The following TBX5 variants were observed in gnomAD, a reference collection of about 807,000 sequenced individuals.
The protein encoded by TBX5 is T-box transcription factor TBX5.
In TBX5, 8 loss-of-function variants were observed where a neutral mutation model predicts 51.1. That is an observed-to-expected ratio of 0.16 (90% CI 0.09 to 0.28). The LOEUF (loss-of-function observed/expected upper bound fraction) is 0.28. Ranked by LOEUF, TBX5 falls within the 10% of genes least tolerant of loss-of-function variation. The probability of loss-of-function intolerance (pLI) is 1.00; values close to 1 mark genes in which losing one functional copy is unlikely to be tolerated. For missense variants in TBX5, 589 were observed against 671.7 expected, an observed-to-expected ratio of 0.88 and a Z score of 1.36; for synonymous variants, 302 against 266.4, an observed-to-expected ratio of 1.13 and a Z score of -1.30.
At chr12:114,399,889 C>T (rs1247523312) in intron 3 of TBX5, among the ~76,000 whole-genome samples, 1 of 152,194 alleles carries the variant, frequency 6.6e-6, no homozygotes, top group Non-Finnish European at 1.5e-5. Flanking sequence ...GCATGCGCCT[C>T]TAGAGAACGG....
rs2384410 is a variant in TBX5 at position 114,355,264 on chromosome 12, G to A, written c.*268C>T. On this transcript the variant is annotated 3_prime_UTR_variant, in exon 9 of 9. Coordinates refer to ENST00000405440, the MANE Select transcript of TBX5 (RefSeq NM_181486.4). ...TAGCGTGAATGTGGCTGGTTGATGG[G>A]TGTGGTGGTAGTGGGGGGTGGGACT... is the stretch of plus-strand genomic sequence containing the variant. 7 of 518,488 alleles carry A rather than the reference G, an allele frequency of 1.4e-5. No individual in the cohort carries two copies. The highest frequency in any genetic ancestry group is 1.1e-4 in the African/African-American group (6 of 52,544). The allele number at this position is 518,488 out of a possible 1,614,324, so 32.1% of individuals were successfully genotyped here.
At position 114,355,855 on chromosome 12, in the gene TBX5, C is replaced by T. The variant is rs114124210; in HGVS notation, c.1234G>A (p.Val412Ile). Residue 412 changes from valine (V) to isoleucine (I), a missense_variant, in exon 9 of 9, where the codon GTC (valine) becomes ATC (isoleucine). Val to Ile is a conservative substitution (Grantham distance 29, BLOSUM62 3). Transcript: ENST00000405440. ...PSMPSYSSCT[V>I]TTVQPMDRLP... ...CTGTCCATGGGCTGCACGGTGGTGA[C>T]GGTGCAGCTGCTGTAGGAAGGCATG... The T allele has an allele frequency of 5.2e-4, 835 of 1,613,800 alleles. 2 individuals carry two copies. In the African/African-American group the frequency reaches 9.5e-3, roughly 18 times the overall value.
chr12:114,389,343 A>C (rs1456815090), intron 6 of TBX5, among the ~76,000 whole-genome samples: 2 of 152,216 alleles, frequency 1.3e-5, no homozygotes, highest in Non-Finnish European at 1.5e-5. Flanking sequence ...CTAAAAACCC[A>C]ACATCTAATG....
chr12:114,382,300 C>G (rs775179341), intron 7 of TBX5, among the ~76,000 whole-genome samples: 11 of 151,762 alleles, frequency 7.2e-5, no homozygotes, highest in Non-Finnish European at 1.5e-4. Flanking sequence ...GGCAACAGAG[C>G]GAGGCCCTGT....
At chr12:114,407,978 G>A, upstream of TBX5, 1 of 985,430 alleles carries the variant, frequency 1.0e-6, no homozygotes, top group East Asian at 1.1e-4. Flanking sequence ...CCAGCTCAAG[G>A]TTGGTTTGTG....
intron 2 of TBX5, among the ~76,000 whole-genome samples, chr12:114,403,275 A>T (rs978336921): frequency 6.8e-6 from 1 of 147,742 alleles, no homozygotes; most frequent in Non-Finnish European, 1.5e-5. Context: ...CGGAGGAGGC[A>T]GGAGGAGGCA....
chr12:114,378,212 G>C (rs1593859448), intron 7 of TBX5, among the ~76,000 whole-genome samples: 6 of 152,310 alleles, frequency 3.9e-5, no homozygotes, highest in Admixed American at 3.9e-4. Context: ...ATGGTGAAAA[G>C]ACCAGTCATT....
intron 4 of TBX5, among the ~76,000 whole-genome samples, chr12:114,399,046 C>T (rs1871623663): frequency 6.6e-6 from 1 of 152,190 alleles, no homozygotes; most frequent in Admixed American, 6.5e-5. Flanking sequence ...CATCGTCAGG[C>T]CCCTGCACTG....
intron 7 of TBX5, among the ~76,000 whole-genome samples, chr12:114,377,718 G>C (rs77641246): frequency 6.6e-6 from 1 of 151,608 alleles, no homozygotes. Context: ...CACACCTAGC[G>C]ACTTTTTTTC....
At chr12:114,389,423 A>C (rs939775813) in intron 6 of TBX5, among the ~76,000 whole-genome samples, 3 of 152,062 alleles carry the variant, frequency 2.0e-5, no homozygotes, top group African/African-American at 7.2e-5. Context: ...TCATCTCTTA[A>C]TGGACTTGCA....
chr12:114,401,034 C>A (rs1033130297), intron 3 of TBX5, among the ~76,000 whole-genome samples: 5 of 152,100 alleles, frequency 3.3e-5, no homozygotes, highest in African/African-American at 7.2e-5. Context: ...GAAGACCCGT[C>A]CAGCACGGGT....
At chr12:114,393,623 C>T (rs1871271682) in intron 6 of TBX5, among the ~76,000 whole-genome samples, 1 of 152,194 alleles carries the variant, frequency 6.6e-6, no homozygotes, top group African/African-American at 2.4e-5. Context: ...CACCCTCCAA[C>T]CTGCCGCTAT....
At chr12:114,403,637 G>T in intron 2 of TBX5, 115 bp downstream of exon 2, 2 of 1,463,520 alleles carry the variant, frequency 1.4e-6, no homozygotes, top group South Asian at 2.7e-5. Flanking sequence ...CGTTGGGTTC[G>T]TTTTGGGGTT....
In TBX5 at chr12:114,393,414, G is replaced by A. The variant is rs75595728; in HGVS notation, c.663+1327C>T. On this transcript the variant is annotated intron_variant, in intron 6 of 8. Transcript: ENST00000405440. ...CTCCTAACAGTCTACAACCGCACGA[G>A]GGCAGGGGCCCCTCCCCCAGCACCT... 4.5e-3 allele frequency among the ~76,000 whole-genome samples: 690 copies of A among 152,224 alleles called. 5 individuals carry two copies. The highest frequency in any genetic ancestry group is 0.016 in the African/African-American group (650 of 41,540).
intron 2 of TBX5, among the ~76,000 whole-genome samples, chr12:114,403,006 AT>A (rs1344388476): frequency 2.0e-5 from 3 of 152,204 alleles, no homozygotes; most frequent in African/African-American, 7.2e-5. Flanking sequence ...GTTTCACCCC[AT>A]GTGACACCTT....
intron 7 of TBX5, among the ~76,000 whole-genome samples, chr12:114,371,350 A>G (rs986922922): frequency 3.9e-5 from 6 of 152,110 alleles, no homozygotes; most frequent in Non-Finnish European, 8.8e-5. Context: ...GCTTCTCCCC[A>G]GCTCTGCCCT....
intron 3 of TBX5, among the ~76,000 whole-genome samples, chr12:114,400,952 C>T (rs1871774567): frequency 6.6e-6 from 1 of 152,216 alleles, no homozygotes; most frequent in Non-Finnish European, 1.5e-5. Context: ...CACTCGGTGG[C>T]TTGGGCCTAC....
chr12:114,401,681 C>G, intron 3 of TBX5, 145 bp downstream of exon 3: 4 of 728,232 alleles, frequency 5.5e-6, no homozygotes, highest in Non-Finnish European at 7.3e-6. Context: ...CGCTCTCTCT[C>G]TCCTCTCCTC....
chr12:114,377,141 G>C (rs909957109), intron 7 of TBX5, among the ~76,000 whole-genome samples: 1 of 152,198 alleles, frequency 6.6e-6, no homozygotes, highest in African/African-American at 2.4e-5. Flanking sequence ...CCTAAGAGGG[G>C]AGTTAATGCC....
Sources: allele counts gnomAD v4.1 joint callset (sites outside exome capture counted in the v4.1 genomes callset), GRCh38; gene constraint gnomAD v4.1.1; transcripts MANE v1.5; gene names NCBI Gene and HGNC (gene_info 2026-07-23, HGNC 2026-07-21).